Variants in CCT6A observed in about 807,000 individuals in gnomAD.
CCT6A encodes the protein chaperonin containing TCP1 subunit 6A.
In CCT6A, 6 loss-of-function variants were observed where a neutral mutation model predicts 58.6. That is an observed-to-expected ratio of 0.10 (90% CI 0.06 to 0.20). CCT6A has a LOEUF of 0.20. CCT6A is among the 10% of genes least tolerant of loss of function. The pLI, the probability that CCT6A is intolerant of heterozygous loss-of-function variation, is 1.00. For missense variants in CCT6A, 516 were observed against 648.8 expected, an observed-to-expected ratio of 0.80 and a Z score of 2.22; for synonymous variants, 245 against 227.8, an observed-to-expected ratio of 1.08 and a Z score of -0.68.
At chr7:56,062,605 T>C in intron 12 of CCT6A, 78 bp from the exon 13 acceptor site, 2 of 1,161,328 alleles carry the variant, frequency 1.7e-6, no homozygotes, top group South Asian at 2.5e-5. Context: ...AAATGAGTCA[T>C]CAGTGATAAG....
intron 5 of CCT6A, among the ~76,000 whole-genome samples, 170 bp downstream of exon 5, chr7:56,056,584 G>A (rs1794308327): frequency 2.0e-5 from 3 of 151,780 alleles, no homozygotes; most frequent in South Asian, 2.1e-4. Context: ...TTAACCAGGC[G>A]TGCCGGGCAT....
At chr7:56,052,560 G>A (rs1794165606) in intron 2 of CCT6A, 75 bp downstream of exon 2, 1 of 1,267,582 alleles carries the variant, frequency 7.9e-7, no homozygotes, top group Admixed American at 1.7e-5. Flanking sequence ...AAGATTTGCA[G>A]TGTCCATTTT....
Position 56,063,555 on chromosome 7 carries a change from T to G in CCT6A, c.*470T>G, listed in dbSNP as rs996231795. On this transcript the variant is annotated 3_prime_UTR_variant, in exon 14 of 14. Transcript: ENST00000275603. ...CTGTTGGTATAAATTTCTGAGTAAA[T>G]GCATTGGATCAGTTGGACTTTGAAC... The G allele has an allele frequency of 5.7e-6, 1 of 174,040 alleles. No individual in the cohort carries two copies. Among genetic ancestry groups the G allele is most frequent in the Non-Finnish European group, 1.2e-5 (1 of 81,296 alleles). The allele number at this position is 174,040 out of a possible 1,614,324, so 10.8% of individuals were successfully genotyped here. A position where few individuals can be genotyped will look rare whatever the true frequency, so the allele number is the denominator to read the frequency against.
At position 56,063,169 on chromosome 7, in the gene CCT6A, A is replaced by G. The variant is rs543207674; in HGVS notation, c.*84A>G. The G allele has an allele frequency of 1.1e-4, 109 of 963,746 alleles. No homozygotes were observed. In the African/African-American group the frequency reaches 1.6e-3, roughly 14 times the overall value. 59.7% of individuals were successfully genotyped at this position (963,746 alleles called of 1,614,324 possible). A position where few individuals can be genotyped will look rare whatever the true frequency, so the allele number is the denominator to read the frequency against. On this transcript the variant is annotated 3_prime_UTR_variant, in exon 14 of 14. Coordinates refer to ENST00000275603, the MANE Select transcript of CCT6A (RefSeq NM_001762.4). ...GCTGTGGAATTTTTGTCCAAGCTTC[A>G]AATAATTTTGAAAGAAATTTTCCCA... is the stretch of plus-strand genomic sequence containing the variant.
At position 56,058,395 on chromosome 7, in the gene CCT6A, A is replaced by G; in HGVS notation, c.759A>G (p.Ala253=). ...EVNSGFFYKS[A]EEREKLVKAE... ...ATTCTGGCTTTTTTTACAAGAGTGC[A>G]GAAGAGAGAGAAAAACTCGTGAAAG... The change falls in exon 7 of 14, where the codon GCA becomes GCG. Residue 253 remains alanine, a synonymous_variant. Transcript: ENST00000275603. 1 of 1,595,546 alleles carries G rather than the reference A, an allele frequency of 6.3e-7. No individual in the cohort carries two copies.
chr7:56,060,527 G>A (rs2117347011), intron 10 of CCT6A, 111 bp downstream of exon 10: 1 of 1,193,084 alleles, frequency 8.4e-7, no homozygotes, highest in South Asian at 1.2e-5. Context: ...CCATGCAAAA[G>A]CAGTCTTCCC....
At position 56,062,753 on chromosome 7, in the gene CCT6A, C is replaced by A. The variant is rs766307421; in HGVS notation, c.1521C>A (p.Ser507=). The change falls in exon 13 of 14, where the codon TCC becomes TCA. Residue 507 remains serine (S), a splice_region_variant and synonymous_variant. Coordinates refer to ENST00000275603, the MANE Select transcript of CCT6A (RefSeq NM_001762.4). Reference sequence around the variant, plus strand: ...GTGTAAAGAAACAGCTTCTTCACTCCTGGTAAGTTTGGGAAAATGAAAACT... The same window carrying A: ...GTGTAAAGAAACAGCTTCTTCACTCATGGTAAGTTTGGGAAAATGAAAACT... ...NYCVKKQLLH[S]CTVIATNILL... 6.9e-6 allele frequency: 11 copies of A among 1,605,754 alleles called. No individual in the cohort carries two copies. In the South Asian group the frequency reaches 1.2e-4, roughly 18 times the overall value.
intron 2 of CCT6A, among the ~76,000 whole-genome samples, chr7:56,053,674 C>T (rs1794240631): frequency 1.3e-5 from 2 of 152,110 alleles, no homozygotes. Context: ...GAATCGATCG[C>T]TTAAACCTGG....
In CCT6A at chr7:56,058,371, T is replaced by C. The variant is rs1195095983; in HGVS notation, c.735T>C (p.Asn245=). ...TTTTTTTTCTTAATAGAGAAGTGAA[T>C]TCTGGCTTTTTTTACAAGAGTGCAG... ...VSLEYEKTEV[N]SGFFYKSAEE... The change falls in exon 7 of 14, where the codon AAT becomes AAC. Residue 245 remains asparagine, a synonymous_variant. Coordinates refer to ENST00000275603, the MANE Select transcript of CCT6A (RefSeq NM_001762.4). 1 of 1,571,176 alleles carries C rather than the reference T, an allele frequency of 6.4e-7. No homozygotes were observed. Among genetic ancestry groups the C allele is most frequent in the Non-Finnish European group, 8.6e-7 (1 of 1,167,372 alleles).
In CCT6A at chr7:56,052,132, C is replaced by G. The variant is rs761299523; in HGVS notation, c.137+147C>G. The G allele has an allele frequency of 8.2e-6, 6 of 728,220 alleles. No homozygotes were observed. In the African/African-American group the frequency reaches 9.1e-5, roughly 11 times the overall value. 45.1% of individuals were successfully genotyped at this position (728,220 alleles called of 1,614,324 possible). A position where few individuals can be genotyped will look rare whatever the true frequency, so the allele number is the denominator to read the frequency against. ...CTCCGGGGTCGGTCCTGTGTCCCTC[C>G]TAAGCCCCACCGTCCCGGCCATTTC... On this transcript the variant is annotated intron_variant, in intron 1 of 13. Coordinates refer to ENST00000275603, the MANE Select transcript of CCT6A (RefSeq NM_001762.4).
At chr7:56,054,921 G>A (rs1240192784) in intron 3 of CCT6A, among the ~76,000 whole-genome samples, 3 of 152,234 alleles carry the variant, frequency 2.0e-5, no homozygotes, top group Admixed American at 2.0e-4. Flanking sequence ...CCTGGAGAAA[G>A]AGAACAGTCT....
In CCT6A at chr7:56,056,362, C is replaced by A; in HGVS notation, c.562C>A (p.Leu188Ile). 2 of 1,602,798 alleles carry A rather than the reference C, an allele frequency of 1.2e-6. No individual in the cohort carries two copies. Among genetic ancestry groups the A allele is most frequent in the South Asian group, 1.1e-5 (1 of 90,862 alleles). ...AIKKQDEPID[L>I]FMIEIMEMKH... The stretch of plus-strand genomic sequence containing the variant: ...TAAAAAGCAAGATGAACCTATTGAT[C>A]TCTTCATGATTGAGATCATGGAGAT... The change falls in exon 5 of 14, where the codon CTC (leucine) becomes ATC (isoleucine). Residue 188 changes from leucine to isoleucine, a missense_variant. Coordinates refer to ENST00000275603, the MANE Select transcript of CCT6A (RefSeq NM_001762.4).
chr7:56,057,037 C>T (rs1030402730), intron 5 of CCT6A, among the ~76,000 whole-genome samples: 3 of 151,948 alleles, frequency 2.0e-5, no homozygotes, highest in African/African-American at 7.2e-5. Context: ...CCTCGTGATC[C>T]GCCCACCTCG....
chr7:56,052,107 C>A, intron 1 of CCT6A, 122 bp downstream of exon 1: 1 of 873,646 alleles, frequency 1.1e-6, no homozygotes, highest in Non-Finnish European at 1.6e-6. Context: ...TCTCGGCGTC[C>A]TCCGGGGTCG....
Position 56,056,271 on chromosome 7 carries a change from A to C in CCT6A, c.511-40A>C, listed in dbSNP as rs770309178. The C allele has an allele frequency of 2.9e-6, 3 of 1,025,406 alleles. No individual in the cohort carries two copies. In the Admixed American group the frequency reaches 5.1e-5, roughly 18 times the overall value. 63.5% of individuals were successfully genotyped at this position (1,025,406 alleles called of 1,614,324 possible). On this transcript the variant is annotated intron_variant, in intron 4 of 13. Coordinates refer to ENST00000275603, the MANE Select transcript of CCT6A (RefSeq NM_001762.4). ...CTGAAAAGCAACATGTTTCTGCTGC[A>C]AATTGAATTTACTTAACGGTTATGC...
rs116977981 is a variant in CCT6A, at chr7:56,055,313, C to T, written c.337-311C>T. ...GAAAATAAAGATAGGATAATGCTAC[C>T]ATCTGTGAGTTGTTGGGACACAGTG... On this transcript the variant is annotated intron_variant, in intron 3 of 13. Coordinates refer to ENST00000275603, the MANE Select transcript of CCT6A (RefSeq NM_001762.4). The T allele has an allele frequency of 8.0e-4, 292 of 366,540 alleles. 2 individuals carry two copies. In the East Asian group the frequency reaches 0.016, roughly 20 times the overall value. 22.7% of individuals were successfully genotyped at this position (366,540 alleles called of 1,614,324 possible). A position where few individuals can be genotyped will look rare whatever the true frequency, so the allele number is the denominator to read the frequency against.
rs1232245596 is a variant in CCT6A, at chr7:56,051,974, C to T, written c.126C>T (p.Gly42=). 7 of 1,530,276 alleles carry T rather than the reference C, an allele frequency of 4.6e-6. No homozygotes were observed. Among genetic ancestry groups the T allele is most frequent in the Non-Finnish European group, 6.2e-6 (7 of 1,138,126 alleles). 94.8% of individuals were successfully genotyped at this position (1,530,276 alleles called of 1,614,324 possible). The change falls in exon 1 of 14, where the codon GGC becomes GGT. Residue 42 remains glycine (G), a synonymous_variant. Coordinates refer to ENST00000275603, the MANE Select transcript of CCT6A (RefSeq NM_001762.4). The part of the protein sequence containing the change: ...DVLRTNLGPK[G]TMKMLVSGAG... The stretch of plus-strand genomic sequence containing the variant: ...TAAGGACCAACCTGGGGCCCAAGGG[C>T]ACCATGAAGATGTAAGGCGGGGCTG...
At chr7:56,052,020 ACCGCGCGCCG>A (rs1182056590) in intron 1 of CCT6A, 35 bp downstream of exon 1, 1 of 1,335,704 alleles carries the variant, frequency 7.5e-7, no homozygotes, top group Non-Finnish European at 9.7e-7. Flanking sequence ...CCGGGCGGGC[ACCGCGCGCCG>A]CCGCGCTCCT....
chr7:56,058,031 A>T lies in CCT6A; in HGVS notation c.653A>T (p.His218Leu). ...CTTGTTTTGGACCACGGAGCACGGC[A>T]TCCTGATATGAAGAAAAGGGTGGAG... ...RGLVLDHGAR[H>L]PDMKKRVEDA... Residue 218 changes from histidine to leucine, a missense_variant, in exon 6 of 14, where the codon CAT (histidine) becomes CTT (leucine). This residue lies in a region of CCT6A where 315 missense variants were observed against 389.4 expected (regional missense o/e 0.81). Coordinates refer to ENST00000275603, the MANE Select transcript of CCT6A (RefSeq NM_001762.4). The T allele has an allele frequency of 6.2e-7, 1 of 1,613,162 alleles. No homozygotes were observed. The highest frequency in any genetic ancestry group is 8.5e-7 in the Non-Finnish European group (1 of 1,179,164).
Sources: gnomAD v4.1 joint callset for allele counts (sites outside exome capture counted in the v4.1 genomes callset) on GRCh38, gnomAD v4.1.1 for gene constraint, gnomAD v4.1.1 regional missense constraint, MANE v1.5 for transcripts, NCBI Gene and HGNC (gene_info 2026-07-23, HGNC 2026-07-21) for gene names.